Variants in MAN1B1 observed in about 807,000 individuals in gnomAD.
MAN1B1 encodes mannosidase alpha class 1B member 1.
In MAN1B1, 66 loss-of-function variants were observed where a neutral mutation model predicts 75.5. The observed-to-expected ratio is 0.87, with a 90% CI of 0.72 to 1.07. The LOEUF is 1.07. Ranked by LOEUF, MAN1B1 falls within the 50% of genes least tolerant of loss-of-function variation. The pLI, the probability that MAN1B1 is intolerant of heterozygous loss-of-function variation, is 0.00. For synonymous variants in MAN1B1, 453 were observed against 382.8 expected (o/e 1.18, Z -2.14); for missense variants, 973 against 912.5 (o/e 1.07, Z -0.85).
chr9:137,088,641 G>A, intron 2 of MAN1B1: 1 of 697,000 alleles, frequency 1.4e-6, no homozygotes, highest in South Asian at 1.8e-5. Flanking sequence ...ATGGAAAATA[G>A]GAAGGCAAAA....
chr9:137,091,527 T>A (rs1830514945), intron 3 of MAN1B1, among the ~76,000 whole-genome samples: 1 of 144,066 alleles, frequency 6.9e-6, no homozygotes, highest in Non-Finnish European at 1.5e-5. Context: ...TTATATTTTT[T>A]TTTTTTTTTT....
chr9:137,101,349 C>T, intron 7 of MAN1B1, 135 bp from the exon 8 acceptor site: 18 of 1,087,234 alleles, frequency 1.7e-5, no homozygotes, highest in Non-Finnish European at 2.5e-5. Context: ...TCACTCAGTG[C>T]AGAGTGATGC....
chr9:137,091,521 A>ATTTTTTT (rs964752016), intron 3 of MAN1B1, among the ~76,000 whole-genome samples: 6 of 89,920 alleles, frequency 6.7e-5, no homozygotes, highest in African/African-American at 7.2e-5. Flanking sequence ...TTTGTTTTAT[A>ATTTTTTT]TTTTTTTTTT....
At position 137,106,254 on chromosome 9, in the gene MAN1B1, G is replaced by T; in HGVS notation, c.1384G>T (p.Ala462Ser). ...HLGVFTLGAR[A>S]DSYYEYLLKQ... ...GGGCGTATTCACGCTGGGCGCCAGG[G>T]CCGACAGCTACTATGAGTACCTGCT... Residue 462 changes from alanine (A) to serine (S), a missense_variant, in exon 9 of 13, where the codon GCC (alanine) becomes TCC (serine). Ala to Ser is a moderately conservative substitution (Grantham distance 99). Coordinates refer to ENST00000371589, the MANE Select transcript of MAN1B1 (RefSeq NM_016219.5). The T allele has an allele frequency of 1.3e-6, 2 of 1,581,134 alleles. No individual in the cohort carries two copies. Among genetic ancestry groups the T allele is most frequent in the Non-Finnish European group, 1.7e-6 (2 of 1,163,718 alleles).
chr9:137,088,037 T>C (rs771487129), intron 1 of MAN1B1, 38 bp from the exon 2 acceptor site: 15 of 1,464,770 alleles, frequency 1.0e-5, no homozygotes, highest in South Asian at 8.0e-5. Context: ...CCGTGTGATA[T>C]ATTCAGTAAG....
At chr9:137,105,739 C>T (rs1272653002) in intron 8 of MAN1B1, 1 of 401,876 alleles carries the variant, frequency 2.5e-6, no homozygotes, top group South Asian at 1.9e-5. Flanking sequence ...ACACTGGGCT[C>T]AGAAGGCAGG....
Position 137,106,419 on chromosome 9 carries a change from C to T in MAN1B1, c.1445+104C>T, listed in dbSNP as rs896269759. 1.4e-4 allele frequency: 165 copies of T among 1,150,880 alleles called. 1 individual carries two copies. The highest frequency in any genetic ancestry group is 1.8e-4 in the Non-Finnish European group (144 of 815,962). The allele number at this position is 1,150,880 out of a possible 1,614,324, so 71.3% of individuals were successfully genotyped here. A position where few individuals can be genotyped will look rare whatever the true frequency, so the allele number is the denominator to read the frequency against. Reference sequence around the variant, plus strand: ...CACGGCCCCCGCTCCTGCTGCCCCCCGCCACACTGTGTGTCAGGAAACCGC... The same window carrying T: ...CACGGCCCCCGCTCCTGCTGCCCCCTGCCACACTGTGTGTCAGGAAACCGC... On this transcript the variant is annotated intron_variant, in intron 9 of 12. Coordinates refer to ENST00000371589, the MANE Select transcript of MAN1B1 (RefSeq NM_016219.5).
intron 5 of MAN1B1, 135 bp from the exon 6 acceptor site, chr9:137,099,561 C>A: frequency 1.1e-6 from 1 of 927,484 alleles, no homozygotes; most frequent in Non-Finnish European, 1.7e-6. Context: ...TGCCCACCAC[C>A]GCCCTTCCCG....
chr9:137,103,132 G>C, intron 8 of MAN1B1: 1 of 451,118 alleles, frequency 2.2e-6, no homozygotes, highest in African/African-American at 2.1e-5. Context: ...CAGGCGTGCA[G>C]GTCGGTGGTG....
Position 137,088,144 on chromosome 9 carries a change from G to A in MAN1B1, c.289G>A (p.Gly97Arg). The A allele has an allele frequency of 6.2e-7, 1 of 1,614,104 alleles. No individual in the cohort carries two copies. The highest frequency in any genetic ancestry group is 8.5e-7 in the Non-Finnish European group (1 of 1,180,022). ...LFLLAFLLFC[G>R]LLFYINLADH... ...CCTCCTTGCCTTTCTGCTTTTCTGT[G>A]GACTCCTCTTCTACATCAACTTGGC... Residue 97 changes from glycine (G) to arginine (R), a missense_variant, in exon 2 of 13, where the codon GGA becomes AGA. Gly to Arg is a moderately radical substitution (Grantham distance 125, BLOSUM62 -2). Coordinates refer to ENST00000371589, the MANE Select transcript of MAN1B1 (RefSeq NM_016219.5).
intron 12 of MAN1B1, chr9:137,107,982 C>T (rs951492967): frequency 3.2e-6 from 2 of 624,688 alleles, no homozygotes; most frequent in African/African-American, 3.7e-5. Flanking sequence ...GCACCCATGA[C>T]TGGGGCACCA....
intron 3 of MAN1B1, among the ~76,000 whole-genome samples, chr9:137,093,711 A>G (rs1019643614): frequency 1.3e-5 from 2 of 151,652 alleles, no homozygotes; most frequent in Non-Finnish European, 2.9e-5. Flanking sequence ...GCAGGCACCT[A>G]TAGTCCCAGC....
rs954780220 is a variant in MAN1B1 at position 137,101,687 on chromosome 9, T to C, written c.1254+15T>C. On this transcript the variant is annotated intron_variant, in intron 8 of 12. Coordinates refer to ENST00000371589, the MANE Select transcript of MAN1B1 (RefSeq NM_016219.5). ...AGAAGTTTCAGGTAAGGGGGCAGGCTTTCTGGCTGGATGCGCCTCCCCTGG... is the reference window on the plus strand; with the variant it reads ...AGAAGTTTCAGGTAAGGGGGCAGGCCTTCTGGCTGGATGCGCCTCCCCTGG... 8 of 1,609,692 alleles carry C rather than the reference T, an allele frequency of 5.0e-6. No individual in the cohort carries two copies. In the African/African-American group the frequency reaches 6.7e-5, roughly 13 times the overall value.
chr9:137,107,507 C>T, intron 11 of MAN1B1, 24 bp from the exon 12 acceptor site: 2 of 1,612,988 alleles, frequency 1.2e-6, no homozygotes, highest in Middle Eastern at 1.6e-4. Flanking sequence ...GCTGGCCTTG[C>T]CCTGAGCTCT....
chr9:137,101,094 C>G lies in MAN1B1; in HGVS notation c.1006C>G (p.Leu336Val). The G allele has an allele frequency of 6.2e-7, 1 of 1,614,158 alleles. No homozygotes were observed. The highest frequency in any genetic ancestry group is 8.5e-7 in the Non-Finnish European group (1 of 1,180,038). ...CCTGTTTGAGAGCACGATCCGCATC[C>G]TGGGGGGGCTCCTGAGTGCCTACCA... ...VNLFESTIRI[L>V]GGLLSAYHLS... Residue 336 changes from leucine (L) to valine (V), a missense_variant, in exon 7 of 13, where the codon CTG (leucine) becomes GTG (valine). By Grantham distance (32) the Leu-to-Val change is conservative. Transcript: ENST00000371589.
chr9:137,108,262 G>A (rs1199569697), intron 12 of MAN1B1, 126 bp from the exon 13 acceptor site: 1 of 843,900 alleles, frequency 1.2e-6, no homozygotes, highest in Non-Finnish European at 2.0e-6. Flanking sequence ...CATCATCCAG[G>A]CGCCCTCCAC....
rs1830804951 is a variant in MAN1B1 at position 137,101,359 on chromosome 9, C to A, written c.1066-125C>A. The A allele has an allele frequency of 3.6e-6, 4 of 1,109,548 alleles. No individual in the cohort carries two copies. The African/African-American group carries it at 6.1e-5, about 17-fold the overall frequency. 68.7% of individuals were successfully genotyped at this position (1,109,548 alleles called of 1,614,324 possible). On this transcript the variant is annotated intron_variant, in intron 7 of 12. Coordinates refer to ENST00000371589, the MANE Select transcript of MAN1B1 (RefSeq NM_016219.5). ...GACATTCACTCAGTGCAGAGTGATG[C>A]CCGTTTCCTTGCTGCTGTGTTGACC...
chr9:137,099,185 T>C (rs1830739007), intron 5 of MAN1B1, among the ~76,000 whole-genome samples: 1 of 152,234 alleles, frequency 6.6e-6, no homozygotes, highest in Non-Finnish European at 1.5e-5. Flanking sequence ...ACAGTGCGAT[T>C]CCCGTGGAGC....
Position 137,108,476 on chromosome 9 carries a change from G to T in MAN1B1, c.1985G>T (p.Gly662Val). 1 of 1,613,978 alleles carries T rather than the reference G, an allele frequency of 6.2e-7. No homozygotes were observed. The highest frequency in any genetic ancestry group is 8.5e-7 in the Non-Finnish European group (1 of 1,180,006). The change falls in exon 13 of 13, where the codon GGG (glycine) becomes GTG (valine). Residue 662 changes from glycine to valine, a missense_variant. Transcript: ENST00000371589. ...GACAAGATGGAGAGCTTCTTCCTGGGGGAGACGCTCAAGTATCTGTTCTTG... is the reference window on the plus strand; with the variant it reads ...GACAAGATGGAGAGCTTCTTCCTGGTGGAGACGCTCAAGTATCTGTTCTTG... ...PRDKMESFFL[G>V]ETLKYLFLLF...
Sources: allele counts gnomAD v4.1 joint callset (sites outside exome capture counted in the v4.1 genomes callset), GRCh38; gene constraint gnomAD v4.1.1; transcripts MANE v1.5; gene names NCBI Gene and HGNC (gene_info 2026-07-23, HGNC 2026-07-21).